GJE1: variants seen among roughly 807,000 people sequenced by gnomAD.
The protein encoded by GJE1 is gap junction epsilon-1 protein.
GJE1 carries 9 observed loss-of-function variants against 6.2 expected under a neutral mutation model. That is an observed-to-expected ratio of 1.45 (90% CI 0.87 to 2.52). The LOEUF (loss-of-function observed/expected upper bound fraction) is 2.52. Ranked by LOEUF, GJE1 falls within the 30% of genes most tolerant of loss-of-function variation. The pLI is 0.00. For missense variants in GJE1, 190 were observed against 87.7 expected, an observed-to-expected ratio of 2.17 and a Z score of -4.66; for synonymous variants, 65 against 30.1, an observed-to-expected ratio of 2.16 and a Z score of -3.80.
At chr6:142,133,961 T>C (rs1562247633) in exon 2 of GJE1, 6 of 702,440 alleles carry the variant, frequency 8.5e-6, no homozygotes, top group Admixed American at 2.0e-5. Flanking sequence ...GGCCTTGCAC[T>C]TCATTTGCGA....
exon 3 of GJE1, chr6:142,134,635 A>G (rs540103089): frequency 1.3e-5 from 9 of 690,162 alleles, no homozygotes; most frequent in Middle Eastern, 4.6e-4. Flanking sequence ...TCAAAAGCCT[A>G]TCTACACTAT....
exon 3 of GJE1, chr6:142,134,986 AG>A (rs1778224636): frequency 4.2e-6 from 2 of 473,742 alleles, no homozygotes; most frequent in Non-Finnish European, 7.4e-6. Flanking sequence ...TATCTTACTC[AG>A]TGAGTACAAT....
exon 3 of GJE1, chr6:142,134,913 C>G: frequency 1.8e-6 from 1 of 559,860 alleles, no homozygotes; most frequent in Non-Finnish European, 3.1e-6. Context: ...ACTTTCCATT[C>G]AGACAATGAC....
intron 2 of GJE1, 122 bp downstream of exon 2, chr6:142,134,166 T>C (rs1473790746): frequency 3.6e-5 from 18 of 497,966 alleles, no homozygotes; most frequent in Non-Finnish European, 5.7e-5. Flanking sequence ...ACTTTTTCTT[T>C]AATTAGCTGT....
At chr6:142,134,395 TAA>T in intron 2 of GJE1, 142 bp from the exon 3 acceptor site, 1 of 455,760 alleles carries the variant, frequency 2.2e-6, no homozygotes, top group Non-Finnish European at 3.8e-6. Context: ...TTCATTATAT[TAA>T]GACACATATA....
At chr6:142,134,735 C>A in exon 3 of GJE1, 1 of 691,784 alleles carries the variant, frequency 1.4e-6, no homozygotes, top group Non-Finnish European at 2.6e-6. Flanking sequence ...CAAGTAAAAT[C>A]TCTTTACCTG....
chr6:142,134,828 C>A (rs1778221010), exon 3 of GJE1: 9 of 664,632 alleles, frequency 1.4e-5, no homozygotes, highest in Non-Finnish European at 1.9e-5. Flanking sequence ...TTTCTCATTG[C>A]AATAAATACA....
exon 1 of GJE1, chr6:142,133,140 G>A: frequency 1.5e-6 from 1 of 665,904 alleles, no homozygotes; most frequent in South Asian, 1.6e-5. Flanking sequence ...AGGAATGCCA[G>A]GATAACATCT....
chr6:142,134,234 T>C (rs1429280364), intron 2 of GJE1, among the ~76,000 whole-genome samples, 190 bp downstream of exon 2: 1 of 152,176 alleles, frequency 6.6e-6, no homozygotes, highest in Non-Finnish European at 1.5e-5. Flanking sequence ...TTTTATTATC[T>C]ACTAATGTTA....
upstream of GJE1, chr6:142,133,024 A>G (rs146570386): frequency 4.0e-5 from 19 of 480,722 alleles, no homozygotes; most frequent in Non-Finnish European, 6.4e-5. Flanking sequence ...AGGAGGGGAG[A>G]GAAATTTGTA....
chr6:142,133,295 T>A, intron 1 of GJE1, 98 bp downstream of exon 1: 2 of 495,800 alleles, frequency 4.0e-6, no homozygotes, highest in Non-Finnish European at 7.2e-6. Flanking sequence ...TCTACATCTA[T>A]GGAGAATACT....
exon 3 of GJE1, chr6:142,134,966 T>A (rs970918763): frequency 2.8e-5 from 14 of 506,528 alleles, no homozygotes; most frequent in Non-Finnish European, 4.5e-5. Context: ...TTATCATTTT[T>A]ATTTAGTTTT....
chr6:142,133,003 A>G (rs1264414353), upstream of GJE1: 1 of 456,348 alleles, frequency 2.2e-6, no homozygotes, highest in Non-Finnish European at 3.9e-6. Context: ...CCAGAGATCT[A>G]AGAGTAAAGG....
upstream of GJE1, chr6:142,133,008 T>C: frequency 2.2e-6 from 1 of 463,236 alleles, no homozygotes; most frequent in Non-Finnish European, 3.9e-6. Context: ...GATCTAAGAG[T>C]AAAGGAGGAG....
At chr6:142,134,884 A>G in exon 3 of GJE1, 2 of 620,526 alleles carry the variant, frequency 3.2e-6, no homozygotes, top group Non-Finnish European at 5.7e-6. Context: ...GATTTTTGAG[A>G]TCATATTTAG....
At chr6:142,135,180 A>G (rs114796700), downstream of GJE1, 185 of 193,286 alleles carry the variant, frequency 9.6e-4, no homozygotes, top group African/African-American at 3.9e-3. Context: ...GTTCTCTCAC[A>G]TACATGTTAA....
At chr6:142,133,174 A>G in exon 1 of GJE1, 1 of 686,252 alleles carries the variant, frequency 1.5e-6, no homozygotes, top group South Asian at 1.5e-5. Flanking sequence ...TCTAAATTAC[A>G]TCAAAAACTT....
intron 2 of GJE1, 101 bp downstream of exon 2, chr6:142,134,145 A>C: frequency 2.0e-6 from 1 of 508,142 alleles, no homozygotes; most frequent in Non-Finnish European, 3.5e-6. Flanking sequence ...TTTGTTCCTA[A>C]GGATTATGTT....
intron 1 of GJE1, among the ~76,000 whole-genome samples, chr6:142,133,407 T>C (rs1267465064): frequency 6.6e-5 from 10 of 152,162 alleles, no homozygotes; most frequent in African/African-American, 4.8e-5. Flanking sequence ...TGTGGCTCAC[T>C]CTCTCAATTC....
Sources: allele counts gnomAD v4.1 joint callset (sites outside exome capture counted in the v4.1 genomes callset), GRCh38; gene constraint gnomAD v4.1.1; transcripts MANE v1.5; gene names NCBI Gene and HGNC (gene_info 2026-07-23, HGNC 2026-07-21).